Variants in TMEM167A observed in about 807,000 individuals in gnomAD.
TMEM167A encodes transmembrane protein 167A, also known as protein kish-A.
A neutral mutation model predicts 11.6 loss-of-function variants in TMEM167A; 8 were observed. That is an observed-to-expected ratio of 0.69 (90% CI 0.40 to 1.24). The LOEUF is 1.24. Among genes scored for constraint, TMEM167A ranks in the 50% most tolerant of loss-of-function variants. The pLI, the probability that TMEM167A is intolerant of heterozygous loss-of-function variation, is 0.01. For missense variants in TMEM167A, 62 were observed against 87.0 expected, an observed-to-expected ratio of 0.71 and a Z score of 1.14; for synonymous variants, 22 against 28.0, an observed-to-expected ratio of 0.79 and a Z score of 0.67.
intron 1 of TMEM167A, among the ~76,000 whole-genome samples, chr5:83,072,122 C>A (rs1396209251): frequency 6.6e-6 from 1 of 152,146 alleles, no homozygotes; most frequent in Non-Finnish European, 1.5e-5. Context: ...TAGTTATTTT[C>A]ATCTCATTAT....
At chr5:83,064,313 G>A (rs766786017) in intron 2 of TMEM167A, 1 of 518,456 alleles carries the variant, frequency 1.9e-6, no homozygotes, top group East Asian at 5.4e-5. Flanking sequence ...CCCAAGGAAT[G>A]AGAAGCAGAC....
chr5:83,054,014 ACT>A lies in TMEM167A; in HGVS notation c.*3068_*3069del, dbSNP rs150594267. On this transcript the variant is annotated 3_prime_UTR_variant, in exon 4 of 4. Coordinates refer to ENST00000502346, the MANE Select transcript of TMEM167A (RefSeq NM_174909.5). ...AGAAATATTCTATTTACCAGTGCTA[ACT>A]CTTTTTCACAAAACCAGGCAGAGAT... is the stretch of plus-strand genomic sequence containing the variant. The A allele has an allele frequency of 3.9e-4, 59 of 152,056 alleles. No individual in the cohort carries two copies. The highest frequency in any genetic ancestry group is 1.4e-3 in the African/African-American group (58 of 41,506). The allele number at this position is 152,056 out of a possible 1,614,324, so 9.4% of individuals were successfully genotyped here.
rs1744337843 is a variant in TMEM167A, at chr5:83,056,790, C to A, written c.*294G>T. ...AACCAATTTTGTTTTCTACTATGTG[C>A]CTTAGAGATACCTCACTAAAATTTT... On this transcript the variant is annotated 3_prime_UTR_variant, in exon 4 of 4. Transcript: ENST00000502346. 5.0e-6 allele frequency: 2 copies of A among 397,018 alleles called. No individual in the cohort carries two copies. Among genetic ancestry groups the A allele is most frequent in the African/African-American group, 4.2e-5 (2 of 47,084 alleles). The allele number at this position is 397,018 out of a possible 1,614,324, so 24.6% of individuals were successfully genotyped here. A position where few individuals can be genotyped will look rare whatever the true frequency, so the allele number is the denominator to read the frequency against.
At chr5:83,069,860 G>A (rs772042977) in intron 1 of TMEM167A, among the ~76,000 whole-genome samples, 2 of 152,076 alleles carry the variant, frequency 1.3e-5, no homozygotes, top group Non-Finnish European at 2.9e-5. Flanking sequence ...AAATCCAAGA[G>A]CATACTTGGA....
At position 83,065,046 on chromosome 5, in the gene TMEM167A, T is replaced by C. The variant is rs777289811; in HGVS notation, c.75A>G (p.Arg25=). 1 of 1,606,282 alleles carries C rather than the reference T, an allele frequency of 6.2e-7. No homozygotes were observed. The highest frequency in any genetic ancestry group is 1.4e-5 in the African/African-American group (1 of 73,878). The change falls in exon 2 of 4, where the codon CGA becomes CGG. Residue 25 remains arginine (R), a synonymous_variant. Transcript: ENST00000502346. ...TGTCCAGGAGGCTGGGTGCCAAGGATCGAATATAAGCACAGGTACATATAA... is the reference window on the plus strand; with the variant it reads ...TGTCCAGGAGGCTGGGTGCCAAGGACCGAATATAAGCACAGGTACATATAA... The part of the protein sequence containing the change: ...LLLICTCAYI[R]SLAPSLLDRN...
chr5:83,064,360 T>C (rs1744450167), intron 2 of TMEM167A: 1 of 517,964 alleles, frequency 1.9e-6, no homozygotes, highest in African/African-American at 1.9e-5. Flanking sequence ...TGAAGAAGAA[T>C]TTTCGTGATA....
intron 2 of TMEM167A, chr5:83,064,152 T>A (rs1279895845): frequency 6.7e-6 from 3 of 448,732 alleles, no homozygotes; most frequent in African/African-American, 6.2e-5. Flanking sequence ...AACAGTTGAC[T>A]GTATTAGTAC....
chr5:83,061,210 C>A (rs1744401755), intron 3 of TMEM167A, among the ~76,000 whole-genome samples: 1 of 152,184 alleles, frequency 6.6e-6, no homozygotes, highest in Admixed American at 6.5e-5. Context: ...GAAAGACTTT[C>A]ATTAGATGGG....
At chr5:83,067,811 G>T (rs1471848164) in intron 1 of TMEM167A, among the ~76,000 whole-genome samples, 1 of 152,018 alleles carries the variant, frequency 6.6e-6, no homozygotes, top group Non-Finnish European at 1.5e-5. Context: ...TCTCTAGATA[G>T]TTTTTAATCT....
At chr5:83,067,983 T>C (rs557154743) in intron 1 of TMEM167A, among the ~76,000 whole-genome samples, 1 of 73,492 alleles carries the variant, frequency 1.4e-5, no homozygotes, top group Admixed American at 1.2e-4. Context: ...TGGGTTTTAA[T>C]TAAATTGGGT....
intron 1 of TMEM167A, among the ~76,000 whole-genome samples, chr5:83,067,903 C>T (rs1411723224): frequency 6.6e-6 from 1 of 151,986 alleles, no homozygotes; most frequent in Admixed American, 6.6e-5. Context: ...TTTGTAATTA[C>T]CAGTTTAATA....
At position 83,056,829 on chromosome 5, in the gene TMEM167A, CAG is replaced by C; in HGVS notation, c.*253_*254del. 6.2e-6 allele frequency: 3 copies of C among 486,672 alleles called. No homozygotes were observed. The South Asian group carries it at 7.4e-5, about 12-fold the overall frequency. 30.1% of individuals were successfully genotyped at this position (486,672 alleles called of 1,614,324 possible). ...CACTAAAATTTTGTATCTGATACAA[CAG>C]AATAACATTTGCAGAATGTAATATT... is the stretch of plus-strand genomic sequence containing the variant. On this transcript the variant is annotated 3_prime_UTR_variant, in exon 4 of 4. Coordinates refer to ENST00000502346, the MANE Select transcript of TMEM167A (RefSeq NM_174909.5).
At chr5:83,065,667 G>A (rs1036484152) in intron 1 of TMEM167A, among the ~76,000 whole-genome samples, 10 of 152,110 alleles carry the variant, frequency 6.6e-5, no homozygotes, top group African/African-American at 2.2e-4. Context: ...GATGCTCAAC[G>A]AGTAAGTATA....
At chr5:83,059,336 T>C (rs1305392921) in intron 3 of TMEM167A, among the ~76,000 whole-genome samples, 1 of 152,114 alleles carries the variant, frequency 6.6e-6, no homozygotes, top group Non-Finnish European at 1.5e-5. Flanking sequence ...TAAATGGAAC[T>C]GTACACACTT....
At chr5:83,062,850 C>CT (rs76736747) in intron 2 of TMEM167A, among the ~76,000 whole-genome samples, 13,178 of 139,070 alleles carry the variant, frequency 0.095, 760 homozygotes, top group South Asian at 0.19. Context: ...TTATAGTATA[C>CT]TTTTTTTTTT....
intron 3 of TMEM167A, among the ~76,000 whole-genome samples, chr5:83,057,585 T>C (rs370047172): frequency 1.4e-4 from 22 of 151,996 alleles, no homozygotes; most frequent in African/African-American, 5.3e-4. Context: ...CTGGTAGCAA[T>C]TTGTGACACT....
chr5:83,066,847 AT>A (rs1232682573), intron 1 of TMEM167A, among the ~76,000 whole-genome samples: 1 of 152,112 alleles, frequency 6.6e-6, no homozygotes, highest in Non-Finnish European at 1.5e-5. Flanking sequence ...TTTCCAAGAA[AT>A]GAATTCTTTC....
chr5:83,058,257 A>G (rs1744360443), intron 3 of TMEM167A, among the ~76,000 whole-genome samples: 1 of 152,086 alleles, frequency 6.6e-6, no homozygotes. Context: ...TCACACTGCC[A>G]TATTATTGAG....
intron 1 of TMEM167A, among the ~76,000 whole-genome samples, chr5:83,072,499 T>C (rs1339482504): frequency 6.6e-6 from 1 of 152,166 alleles, no homozygotes; most frequent in Non-Finnish European, 1.5e-5. Flanking sequence ...TGGATTTAAC[T>C]GGTCTGGGCA....
Sources: allele counts gnomAD v4.1 joint callset (sites outside exome capture counted in the v4.1 genomes callset), GRCh38; gene constraint gnomAD v4.1.1; transcripts MANE v1.5; gene names NCBI Gene and HGNC (gene_info 2026-07-23, HGNC 2026-07-21).